PCDH15: variants seen among roughly 807,000 people sequenced by gnomAD.
The protein encoded by PCDH15 is protocadherin-15.
In PCDH15, 129 loss-of-function variants were observed where a neutral mutation model predicts 178.5. The ratio of observed to expected loss-of-function variants is 0.72; its 90% confidence interval spans 0.63 to 0.84. The LOEUF (loss-of-function observed/expected upper bound fraction) is 0.84. Among genes scored for constraint, PCDH15 ranks in the 40% least tolerant of loss-of-function variants. The pLI is 0.00. For missense variants in PCDH15, 2,230 were observed against 2,099.9 expected (o/e 1.06, Z -1.21); for synonymous variants, 800 against 732.0 (o/e 1.09, Z -1.50).
At chr10:54,045,227 C>T (rs1254435349) in intron 18 of PCDH15, among the ~76,000 whole-genome samples, 1 of 152,044 alleles carries the variant, frequency 6.6e-6, no homozygotes, top group Non-Finnish European at 1.5e-5. Context: ...TCTTGACTAA[C>T]CCATTTGGGA....
chr10:54,896,838 A>T (rs1443832638), intron 3 of PCDH15, among the ~76,000 whole-genome samples: 1 of 152,122 alleles, frequency 6.6e-6, no homozygotes, highest in African/African-American at 2.4e-5. Flanking sequence ...AAGTAAAAAA[A>T]ACAATGTTTC....
At chr10:55,547,910 T>TGAGAGAGAGAGA (rs763752387) in intron 2 of PCDH15, among the ~76,000 whole-genome samples, 96 of 54,484 alleles carry the variant, frequency 1.8e-3, no homozygotes, top group South Asian at 4.9e-3. Flanking sequence ...TGTGTGTGTG[T>TGAGAGAGAGAGA]GAGAGAGAGA....
chr10:54,875,948 C>G (rs778219981), intron 3 of PCDH15, among the ~76,000 whole-genome samples: 2 of 152,078 alleles, frequency 1.3e-5, no homozygotes, highest in Non-Finnish European at 2.9e-5. Flanking sequence ...GATGAAAGAA[C>G]CTTCCATTGA....
At chr10:54,042,654 G>C (rs993560562) in intron 18 of PCDH15, among the ~76,000 whole-genome samples, 12 of 152,064 alleles carry the variant, frequency 7.9e-5, no homozygotes, top group African/African-American at 2.9e-4. Context: ...AAATGATGTT[G>C]GAGAGAGCAG....
chr10:54,141,737 C>T (rs556270241), intron 14 of PCDH15, among the ~76,000 whole-genome samples: 6 of 152,230 alleles, frequency 3.9e-5, no homozygotes, highest in African/African-American at 1.2e-4. Context: ...ATCCATTTAT[C>T]TCTGATGGGC....
At chr10:55,607,077 A>T (rs1178146392) in intron 2 of PCDH15, among the ~76,000 whole-genome samples, 3 of 152,222 alleles carry the variant, frequency 2.0e-5, no homozygotes, top group African/African-American at 7.2e-5. Context: ...CCTATCAAAA[A>T]GTGGGCAAAG....
chr10:54,888,221 T>C (rs893761780), intron 3 of PCDH15, among the ~76,000 whole-genome samples: 2 of 152,116 alleles, frequency 1.3e-5, no homozygotes, highest in African/African-American at 2.4e-5. Flanking sequence ...ATTCCAGACA[T>C]TCACTAATCT....
chr10:55,528,998 T>C (rs1181199414), intron 2 of PCDH15, among the ~76,000 whole-genome samples: 1 of 152,184 alleles, frequency 6.6e-6, no homozygotes, highest in African/African-American at 2.4e-5. Flanking sequence ...CATTTTTTCA[T>C]GTGTTTTTTG....
intron 1 of PCDH15, among the ~76,000 whole-genome samples, chr10:55,174,350 C>T (rs553715636): frequency 1.2e-4 from 18 of 152,202 alleles, no homozygotes; most frequent in Non-Finnish European, 2.4e-4. Flanking sequence ...GAAGAATCCA[C>T]GACCAGAGTG....
chr10:54,254,249 G>A (rs2056731565), intron 8 of PCDH15, among the ~76,000 whole-genome samples: 1 of 152,106 alleles, frequency 6.6e-6, no homozygotes, highest in African/African-American at 2.4e-5. Flanking sequence ...ATTAGAATTT[G>A]TAGAGATGAT....
intron 2 of PCDH15, among the ~76,000 whole-genome samples, chr10:55,032,431 G>A (rs2075991775): frequency 6.6e-6 from 1 of 152,160 alleles, no homozygotes; most frequent in Admixed American, 6.5e-5. Flanking sequence ...TTAAAAGACA[G>A]AATTTAACCC....
At chr10:55,524,421 G>C (rs1413602532) in intron 2 of PCDH15, among the ~76,000 whole-genome samples, 1 of 151,510 alleles carries the variant, frequency 6.6e-6, no homozygotes, top group Non-Finnish European at 1.5e-5. Context: ...TATAAGAATT[G>C]GAAAGTCTTA....
intron 21 of PCDH15, among the ~76,000 whole-genome samples, chr10:53,962,370 G>C (rs1398248519): frequency 6.6e-6 from 1 of 152,044 alleles, no homozygotes; most frequent in African/African-American, 2.4e-5. Context: ...GTGCAACCAT[G>C]CTTGGCTAAT....
At chr10:54,092,689 A>C (rs1366768907) in intron 15 of PCDH15, among the ~76,000 whole-genome samples, 2 of 152,106 alleles carry the variant, frequency 1.3e-5, no homozygotes, top group African/African-American at 4.8e-5. Context: ...TTTCCCTTGC[A>C]TTCTGTTCTT....
intron 8 of PCDH15, among the ~76,000 whole-genome samples, chr10:54,300,649 C>T (rs929936626): frequency 1.3e-5 from 2 of 152,074 alleles, no homozygotes; most frequent in African/African-American, 4.8e-5. Context: ...GCTTCTGGGT[C>T]GGATGGGGGC....
rs566967302 is a variant in PCDH15, at chr10:54,087,663, G to A, written c.1997+2321C>T. On this transcript the variant is annotated intron_variant, in intron 16 of 37. Coordinates refer to ENST00000644397, the MANE Select transcript of PCDH15 (RefSeq NM_001384140.1). The stretch of plus-strand genomic sequence containing the variant: ...GCACGTCTTCATTTCTCTTGCATAT[G>A]AGCAGAATGCTGGCTTATGCGGTAA... Among the ~76,000 whole-genome samples the A allele has an allele frequency of 3.3e-5, 5 of 152,298 alleles. No homozygotes were observed. The South Asian group carries it at 8.3e-4, about 25-fold the overall frequency.
intron 1 of PCDH15, among the ~76,000 whole-genome samples, chr10:54,744,085 A>T (rs1364025721): frequency 6.6e-6 from 1 of 152,092 alleles, no homozygotes; most frequent in Non-Finnish European, 1.5e-5. Flanking sequence ...GCCCTGTCAA[A>T]GCTGCTTCTA....
At chr10:54,890,372 G>A (rs888348357) in intron 3 of PCDH15, among the ~76,000 whole-genome samples, 4 of 151,972 alleles carry the variant, frequency 2.6e-5, no homozygotes, top group Non-Finnish European at 5.9e-5. Context: ...TGAGTTTAAT[G>A]TCCATTTTGG....
chr10:55,116,554 T>C (rs1427711514), intron 2 of PCDH15, among the ~76,000 whole-genome samples: 1 of 152,126 alleles, frequency 6.6e-6, no homozygotes, highest in Non-Finnish European at 1.5e-5. Context: ...TTCAAGATGA[T>C]AAGGCACAAA....
Sources: allele counts gnomAD v4.1 joint callset (sites outside exome capture counted in the v4.1 genomes callset), GRCh38; gene constraint gnomAD v4.1.1; transcripts MANE v1.5; gene names NCBI Gene and HGNC (gene_info 2026-07-23, HGNC 2026-07-21).